CEP128: variants seen among roughly 807,000 people sequenced by gnomAD.
The protein encoded by CEP128 is centrosomal protein 128.
In CEP128, 132 loss-of-function variants were observed where a neutral mutation model predicts 156.7. That is an observed-to-expected ratio of 0.84 (90% CI 0.73 to 0.97). CEP128 has a LOEUF of 0.97. Among genes scored for constraint, CEP128 ranks in the 50% least tolerant of loss-of-function variants. The pLI is 0.00. For synonymous variants in CEP128, 469 were observed against 448.9 expected, an observed-to-expected ratio of 1.04 and a Z score of -0.57; for missense variants, 1,252 against 1,281.9, an observed-to-expected ratio of 0.98 and a Z score of 0.36.
At chr14:80,838,771 C>T (rs1002324203) in intron 10 of CEP128, among the ~76,000 whole-genome samples, 1 of 152,076 alleles carries the variant, frequency 6.6e-6, no homozygotes, top group Admixed American at 6.5e-5. Flanking sequence ...CCTAATATTT[C>T]TAATATTTAT....
At position 80,725,753 on chromosome 14, in the gene CEP128, T is replaced by C. The variant is rs566602166; in HGVS notation, c.2806+17322A>G. The stretch of plus-strand genomic sequence containing the variant: ...ATCTCCCTCCGGAAGAAGTATGCAG[T>C]AGAAAAGATCTCAAACTCTTAAATA... On this transcript the variant is annotated intron_variant, in intron 19 of 24. Coordinates refer to ENST00000555265, the MANE Select transcript of CEP128 (RefSeq NM_152446.5). 2.6e-5 allele frequency among the ~76,000 whole-genome samples: 4 copies of C among 152,308 alleles called. No individual in the cohort carries two copies. The East Asian group carries it at 5.8e-4, about 22-fold the overall frequency.
chr14:80,547,853 C>T (rs972591900), intron 21 of CEP128, among the ~76,000 whole-genome samples: 8 of 148,838 alleles, frequency 5.4e-5, no homozygotes, highest in Non-Finnish European at 1.2e-4. Context: ...AGCTGGAGTG[C>T]AATGGCACGA....
At position 80,677,640 on chromosome 14, in the gene CEP128, CACTT is replaced by C. The variant is rs1228651337; in HGVS notation, c.2806+65431_2806+65434del. On this transcript the variant is annotated intron_variant, in intron 19 of 24. Coordinates refer to ENST00000555265, the MANE Select transcript of CEP128 (RefSeq NM_152446.5). ...AATGCTACTTAGTTAAAAAAAAAAT[CACTT>C]AAGGAAGTTGTGAGTTAAAAAGTCA... Among the ~76,000 whole-genome samples the C allele has an allele frequency of 6.7e-5, 10 of 149,566 alleles. No individual in the cohort carries two copies. In the East Asian group the frequency reaches 2.0e-3, roughly 30 times the overall value.
At chr14:80,618,942 G>C (rs1333224350) in intron 19 of CEP128, among the ~76,000 whole-genome samples, 1 of 152,178 alleles carries the variant, frequency 6.6e-6, no homozygotes, top group Non-Finnish European at 1.5e-5. Flanking sequence ...CTAGCTAAAG[G>C]CTGCATCATT....
chr14:80,881,012 C>A (rs1888527009), intron 8 of CEP128, among the ~76,000 whole-genome samples: 1 of 142,856 alleles, frequency 7.0e-6, no homozygotes, highest in Non-Finnish European at 1.5e-5. Context: ...TTTATGATAG[C>A]ATTAAAAAAA....
intron 19 of CEP128, among the ~76,000 whole-genome samples, chr14:80,582,510 T>C (rs1006701323): frequency 6.6e-6 from 1 of 152,008 alleles, no homozygotes; most frequent in Admixed American, 6.6e-5. Context: ...AAACTTTATG[T>C]CATTCCACTC....
chr14:80,797,728 C>T (rs2139867873), intron 13 of CEP128, among the ~76,000 whole-genome samples: 1 of 152,264 alleles, frequency 6.6e-6, no homozygotes, highest in Non-Finnish European at 1.5e-5. Flanking sequence ...CACTCACATA[C>T]ATATGAACAT....
At chr14:80,957,849 A>T (rs947255708) in intron 2 of CEP128, 2 of 152,244 alleles carry the variant, frequency 1.3e-5, no homozygotes, top group African/African-American at 2.4e-5. Flanking sequence ...AGGTGATGAC[A>T]TGATGCTGAT....
At chr14:80,932,008 CT>C (rs1222269176) in intron 2 of CEP128, among the ~76,000 whole-genome samples, 3 of 152,128 alleles carry the variant, frequency 2.0e-5, no homozygotes, top group Admixed American at 6.5e-5. Flanking sequence ...AGGTAATTGA[CT>C]CATAGGGGCA....
At chr14:80,618,823 C>G (rs759976330) in intron 19 of CEP128, among the ~76,000 whole-genome samples, 2 of 152,168 alleles carry the variant, frequency 1.3e-5, no homozygotes, top group African/African-American at 2.4e-5. Context: ...GTTCCTCAAT[C>G]CAGCCCCAGA....
intron 2 of CEP128, chr14:80,955,760 C>T (rs532920088): frequency 6.2e-7 from 1 of 1,614,186 alleles, no homozygotes; most frequent in South Asian, 1.1e-5. Flanking sequence ...TGTTCGTCTC[C>T]ACCCTGCGAG....
chr14:80,533,904 G>C (rs553122020), intron 21 of CEP128, among the ~76,000 whole-genome samples: 51 of 152,192 alleles, frequency 3.4e-4, no homozygotes, highest in African/African-American at 1.2e-3. Context: ...CATACGTCCT[G>C]TTCTTCAGGA....
intron 21 of CEP128, among the ~76,000 whole-genome samples, chr14:80,546,352 C>T (rs939694613): frequency 2.0e-5 from 3 of 152,148 alleles, no homozygotes; most frequent in African/African-American, 7.2e-5. Flanking sequence ...CCAGAATTCA[C>T]AATCAGGTCT....
intron 20 of CEP128, among the ~76,000 whole-genome samples, chr14:80,578,451 A>G (rs1891449113): frequency 6.6e-6 from 1 of 152,240 alleles, no homozygotes; most frequent in African/African-American, 2.4e-5. Context: ...TGGATACATG[A>G]GGATGTGCTA....
chr14:80,819,951 A>G (rs755160274), intron 13 of CEP128, among the ~76,000 whole-genome samples: 27 of 152,194 alleles, frequency 1.8e-4, no homozygotes, highest in Middle Eastern at 3.2e-3. Flanking sequence ...ACCAAACTAC[A>G]TATGAAATTA....
At chr14:80,783,633 A>C (rs1901241687) in intron 15 of CEP128, among the ~76,000 whole-genome samples, 2 of 152,166 alleles carry the variant, frequency 1.3e-5, no homozygotes, top group African/African-American at 4.8e-5. Flanking sequence ...CCCAAACTCT[A>C]CTTTCTATAT....
chr14:80,575,175 A>G (rs1012449143), intron 20 of CEP128, among the ~76,000 whole-genome samples: 1 of 150,718 alleles, frequency 6.6e-6, no homozygotes, highest in African/African-American at 2.4e-5. Flanking sequence ...ATGTATATAT[A>G]CAAAATCTGT....
At chr14:80,900,637 GATAA>G (rs1883496687) in intron 6 of CEP128, among the ~76,000 whole-genome samples, 1 of 152,108 alleles carries the variant, frequency 6.6e-6, no homozygotes, top group Non-Finnish European at 1.5e-5. Flanking sequence ...TGTACACCAA[GATAA>G]ATAAATGGTG....
At chr14:80,485,234 G>A (rs567272638) in intron 14 of CEP128, among the ~76,000 whole-genome samples, 2 of 152,192 alleles carry the variant, frequency 1.3e-5, no homozygotes, top group South Asian at 4.2e-4. Flanking sequence ...AGTAAAGGTT[G>A]CCCAAAAACA....
Sources: allele counts gnomAD v4.1 joint callset (sites outside exome capture counted in the v4.1 genomes callset), GRCh38; gene constraint gnomAD v4.1.1; transcripts MANE v1.5; gene names NCBI Gene and HGNC (gene_info 2026-07-23, HGNC 2026-07-21).